PTPRD: variants seen among roughly 807,000 people sequenced by gnomAD.
PTPRD encodes the protein receptor-type tyrosine-protein phosphatase delta.
In PTPRD, 34 loss-of-function variants were observed where a neutral mutation model predicts 214.5. That is an observed-to-expected ratio of 0.16 (90% CI 0.12 to 0.21). PTPRD has a LOEUF of 0.21. Among genes scored for constraint, PTPRD ranks in the 10% least tolerant of loss-of-function variants. PTPRD has a pLI of 1.00. For missense variants in PTPRD, 2,545 were observed against 2,398.7 expected (o/e 1.06, Z -1.27); for synonymous variants, 1,128 against 845.7 (o/e 1.33, Z -5.79).
chr9:9,887,358 ATTCTC>A (rs1175219753), intron 5 of PTPRD, among the ~76,000 whole-genome samples: 12 of 152,162 alleles, frequency 7.9e-5, no homozygotes, highest in Non-Finnish European at 1.5e-4. Flanking sequence ...AGAAAGAGCT[ATTCTC>A]TTCTCCTGCA....
intron 2 of PTPRD, among the ~76,000 whole-genome samples, chr9:10,600,693 C>G (rs7874744): frequency 0.037 from 5,578 of 151,802 alleles, 360 homozygotes; most frequent in African/African-American, 0.13. Context: ...GAAAACTGAT[C>G]AATTTGTTGT....
At chr9:9,014,063 C>CAAGTTTTTTTTTTTTCTATAATAAGTAA (rs2099523078) in intron 11 of PTPRD, among the ~76,000 whole-genome samples, 3 of 151,964 alleles carry the variant, frequency 2.0e-5, no homozygotes, top group African/African-American at 7.3e-5. Context: ...TAGATAACAC[C>CAAGTTTTTTTTTTTTCTATAATAAGTAA]ATTTTTCTAT....
chr9:10,609,707 A>G (rs2080447366), intron 2 of PTPRD, among the ~76,000 whole-genome samples: 1 of 152,150 alleles, frequency 6.6e-6, no homozygotes, highest in East Asian at 1.9e-4. Context: ...AAAAAAAGTT[A>G]TGAATAGCTC....
At chr9:10,534,408 G>C (rs904323162) in intron 2 of PTPRD, among the ~76,000 whole-genome samples, 1 of 151,918 alleles carries the variant, frequency 6.6e-6, no homozygotes. Flanking sequence ...AAATATAATA[G>C]TGTGACCAAA....
intron 7 of PTPRD, among the ~76,000 whole-genome samples, chr9:9,691,390 G>C (rs764532292): frequency 3.9e-5 from 6 of 151,902 alleles, no homozygotes; most frequent in Non-Finnish European, 8.8e-5. Context: ...TGCAATGTTT[G>C]TTTTTCTGTG....
chr9:9,722,591 G>C (rs2097978676), intron 7 of PTPRD, among the ~76,000 whole-genome samples: 1 of 151,996 alleles, frequency 6.6e-6, no homozygotes, highest in Non-Finnish European at 1.5e-5. Context: ...CCTAAGAGTA[G>C]AATTTCCAAG....
At chr9:10,535,408 A>G (rs1055324777) in intron 2 of PTPRD, among the ~76,000 whole-genome samples, 3 of 152,124 alleles carry the variant, frequency 2.0e-5, no homozygotes, top group Non-Finnish European at 4.4e-5. Context: ...TCATTAGAAA[A>G]TTTACATCTA....
At chr9:9,245,025 T>C (rs943168176) in intron 9 of PTPRD, among the ~76,000 whole-genome samples, 37 of 152,038 alleles carry the variant, frequency 2.4e-4, no homozygotes, top group African/African-American at 7.7e-4. Context: ...AGCCAACAGA[T>C]ACAAGAAAAA....
intron 7 of PTPRD, among the ~76,000 whole-genome samples, chr9:9,686,359 A>G (rs570894952): frequency 6.6e-6 from 1 of 151,514 alleles, no homozygotes; most frequent in East Asian, 1.9e-4. Context: ...TATCATTTCA[A>G]TTACGCACTT....
chr9:10,530,540 G>T (rs2055919100), intron 2 of PTPRD, among the ~76,000 whole-genome samples: 1 of 152,072 alleles, frequency 6.6e-6, no homozygotes. Context: ...GTCAATAAAA[G>T]GTAGTAACTG....
At chr9:10,184,297 C>G (rs759183667) in intron 3 of PTPRD, among the ~76,000 whole-genome samples, 6 of 151,972 alleles carry the variant, frequency 3.9e-5, no homozygotes, top group African/African-American at 1.2e-4. Context: ...TGGTGGCATG[C>G]GCCTGTAATC....
chr9:9,974,594 T>C (rs1342511152), intron 4 of PTPRD, among the ~76,000 whole-genome samples: 4 of 152,160 alleles, frequency 2.6e-5, no homozygotes, highest in Non-Finnish European at 5.9e-5. Flanking sequence ...ACCCCACTAA[T>C]TTCCGGATAA....
At chr9:8,759,396 G>T (rs534276276) in intron 11 of PTPRD, among the ~76,000 whole-genome samples, 11 of 152,036 alleles carry the variant, frequency 7.2e-5, no homozygotes, top group Non-Finnish European at 4.4e-5. Flanking sequence ...TGTCTTGGAG[G>T]AGGCAACTAA....
In PTPRD at chr9:10,230,607, C is replaced by G. The variant is rs546384745; in HGVS notation, c.-545+110356G>C. ...CCTTCTGCCTAATATGCCCTAAACA[C>G]TAAGTGAAGCCACTTAGTCATTTCA... On this transcript the variant is annotated intron_variant, in intron 3 of 45. Transcript: ENST00000381196. 2.0e-5 allele frequency among the ~76,000 whole-genome samples: 3 copies of G among 152,086 alleles called. No individual in the cohort carries two copies. The South Asian group carries it at 6.2e-4, about 32-fold the overall frequency.
intron 4 of PTPRD, among the ~76,000 whole-genome samples, chr9:9,965,725 T>G (rs2094642238): frequency 6.6e-6 from 1 of 152,188 alleles, no homozygotes; most frequent in Non-Finnish European, 1.5e-5. Flanking sequence ...GGGTAAGTGT[T>G]GTAAGCCCCT....
chr9:10,543,795 A>G (rs1290651488), intron 2 of PTPRD, among the ~76,000 whole-genome samples: 1 of 152,224 alleles, frequency 6.6e-6, no homozygotes, highest in Non-Finnish European at 1.5e-5. Flanking sequence ...CATAAATAAT[A>G]GTAGTATATA....
Position 9,359,812 on chromosome 9 carries a change from C to T in PTPRD, c.-203+37637G>A, listed in dbSNP as rs910542197. ...CAATCATTTTTATTCAGCAGGTGTA[C>T]GGAGTGCCTGCTGCGTGGAGGCAAT... On this transcript the variant is annotated intron_variant, in intron 9 of 45. Transcript: ENST00000381196. Among the ~76,000 whole-genome samples the T allele has an allele frequency of 2.6e-5, 4 of 151,240 alleles. No homozygotes were observed. The Admixed American group carries it at 2.6e-4, about 10-fold the overall frequency.
chr9:10,418,730 T>A (rs1224189622), intron 2 of PTPRD, among the ~76,000 whole-genome samples: 1 of 151,510 alleles, frequency 6.6e-6, no homozygotes, highest in Non-Finnish European at 1.5e-5. Context: ...TTAATAATAA[T>A]TGCAGAAAAA....
At chr9:9,899,638 G>C (rs1418352718) in intron 5 of PTPRD, among the ~76,000 whole-genome samples, 1 of 151,882 alleles carries the variant, frequency 6.6e-6, no homozygotes, top group Non-Finnish European at 1.5e-5. Flanking sequence ...AAAACAGTAT[G>C]GAGGTTCCTC....
Sources: allele counts gnomAD v4.1 joint callset (sites outside exome capture counted in the v4.1 genomes callset), GRCh38; gene constraint gnomAD v4.1.1; transcripts MANE v1.5; gene names NCBI Gene and HGNC (gene_info 2026-07-23, HGNC 2026-07-21).